LHPP: variants seen among roughly 807,000 people sequenced by gnomAD.
LHPP encodes hLHPP.
Under a neutral mutation model 30.3 loss-of-function variants are expected in LHPP, and 24 were observed. The ratio of observed to expected loss-of-function variants is 0.79; its 90% CI spans 0.57 to 1.11. LHPP has a LOEUF of 1.11. Among genes scored for constraint, LHPP ranks in the 50% most tolerant of loss-of-function variants. The pLI is 0.00. For missense variants in LHPP, 356 were observed against 367.2 expected, an observed-to-expected ratio of 0.97 and a Z score of 0.25; for synonymous variants, 150 against 157.1, an observed-to-expected ratio of 0.95 and a Z score of 0.34.
chr10:124,470,952 G>A (rs1453854849), intron 1 of LHPP, among the ~76,000 whole-genome samples: 1 of 152,094 alleles, frequency 6.6e-6, no homozygotes, highest in Non-Finnish European at 1.5e-5. Context: ...ATGGGAGCCG[G>A]TGCTCTTTCA....
intron 6 of LHPP, among the ~76,000 whole-genome samples, chr10:124,543,035 C>T (rs905994710): frequency 1.3e-5 from 2 of 152,184 alleles, no homozygotes; most frequent in African/African-American, 2.4e-5. Context: ...GCTGCTGTGC[C>T]ACACCTCACT....
chr10:124,479,978 G>A (rs1953076395), intron 1 of LHPP, among the ~76,000 whole-genome samples: 1 of 152,218 alleles, frequency 6.6e-6, no homozygotes, highest in Non-Finnish European at 1.5e-5. Flanking sequence ...GGGCCTTGGG[G>A]ATGTCCATTA....
chr10:124,514,068 G>A (rs928234672), intron 5 of LHPP, among the ~76,000 whole-genome samples: 2 of 152,198 alleles, frequency 1.3e-5, no homozygotes, highest in Non-Finnish European at 2.9e-5. Context: ...TCCTGAAGGA[G>A]CTCCTACTTC....
chr10:124,564,742 C>T (rs575001499), intron 6 of LHPP, among the ~76,000 whole-genome samples: 32 of 152,214 alleles, frequency 2.1e-4, no homozygotes, highest in African/African-American at 6.3e-4. Context: ...TGCACTGTGC[C>T]GTGGAATTAT....
intron 6 of LHPP, among the ~76,000 whole-genome samples, chr10:124,591,902 G>A (rs900573478): frequency 6.6e-5 from 10 of 152,034 alleles, no homozygotes; most frequent in Non-Finnish European, 1.3e-4. Context: ...AGGGCTCTGA[G>A]GAGCAAATTA....
chr10:124,602,027 G>C (rs1949029640), intron 6 of LHPP, among the ~76,000 whole-genome samples: 1 of 152,344 alleles, frequency 6.6e-6, no homozygotes, highest in Admixed American at 6.5e-5. Flanking sequence ...TAGTGCCCCA[G>C]CTCCATCCGG....
intron 6 of LHPP, among the ~76,000 whole-genome samples, chr10:124,537,458 C>T (rs569444937): frequency 2.7e-4 from 41 of 152,318 alleles, no homozygotes; most frequent in African/African-American, 9.1e-4. Context: ...ATTGGCGATG[C>T]GGGGAGGCTG....
chr10:124,517,322 C>G lies in LHPP; in HGVS notation c.716+51C>G. ...TCACCTTCCTTCCAGGGGATGACCA[C>G]ATTCTCATTCTGTTTTGTTCTTCAA... On this transcript the variant is annotated intron_variant, in intron 6 of 6. Coordinates refer to ENST00000368842, the MANE Select transcript of LHPP (RefSeq NM_022126.4). The surrounding 1 kb of genome is among the most constrained non-coding windows in gnomAD (Gnocchi z 4.1). The G allele has an allele frequency of 8.6e-7, 1 of 1,163,452 alleles. No individual in the cohort carries two copies. The highest frequency in any genetic ancestry group is 1.2e-6 in the Non-Finnish European group (1 of 824,126). The allele number at this position is 1,163,452 out of a possible 1,614,324, so 72.1% of individuals were successfully genotyped here. A position where few individuals can be genotyped will look rare whatever the true frequency, so the allele number is the denominator to read the frequency against.
intron 6 of LHPP, among the ~76,000 whole-genome samples, chr10:124,519,984 C>T (rs887765278): frequency 7.2e-5 from 11 of 152,100 alleles, no homozygotes; most frequent in African/African-American, 2.4e-5. Context: ...AGGCGCCCAC[C>T]ACCACGCCCG....
chr10:124,534,362 A>G (rs1954969657), intron 6 of LHPP, among the ~76,000 whole-genome samples: 1 of 152,194 alleles, frequency 6.6e-6, no homozygotes, highest in Non-Finnish European at 1.5e-5. Flanking sequence ...AGTCTCCTGT[A>G]TCTGTGACTC....
At chr10:124,509,545 C>T (rs1954247948) in intron 5 of LHPP, among the ~76,000 whole-genome samples, 2 of 152,218 alleles carry the variant, frequency 1.3e-5, no homozygotes, top group Admixed American at 1.3e-4. Context: ...ACATCCTTAC[C>T]AACACCATGA....
At chr10:124,512,886 A>T (rs1368688609) in intron 5 of LHPP, among the ~76,000 whole-genome samples, 1 of 152,114 alleles carries the variant, frequency 6.6e-6, no homozygotes. Flanking sequence ...CCCTTCCCCC[A>T]GATGGAGAGC....
chr10:124,483,755 C>T (rs896384394), intron 1 of LHPP, among the ~76,000 whole-genome samples: 5 of 150,008 alleles, frequency 3.3e-5, no homozygotes, highest in African/African-American at 1.2e-4. Flanking sequence ...GAGACTCCAT[C>T]TCAAAAATAA....
chr10:124,527,201 G>A (rs1214402936), intron 6 of LHPP, among the ~76,000 whole-genome samples: 1 of 152,198 alleles, frequency 6.6e-6, no homozygotes, highest in African/African-American at 2.4e-5. Context: ...GGCAGGGGAG[G>A]GCACATCCCC....
At chr10:124,525,112 A>G (rs1308849742) in intron 6 of LHPP, among the ~76,000 whole-genome samples, 2 of 152,030 alleles carry the variant, frequency 1.3e-5, no homozygotes, top group African/African-American at 4.8e-5. Context: ...TCCCTCCAAC[A>G]TGGCGCTGGC....
chr10:124,574,965 G>T (rs1454082515), intron 6 of LHPP, among the ~76,000 whole-genome samples: 1 of 152,112 alleles, frequency 6.6e-6, no homozygotes, highest in African/African-American at 2.4e-5. Context: ...CTCCTGCCGG[G>T]CCCTCCCCTG....
At chr10:124,472,072 G>T (rs1952795639) in intron 1 of LHPP, among the ~76,000 whole-genome samples, 1 of 152,142 alleles carries the variant, frequency 6.6e-6, no homozygotes, top group Non-Finnish European at 1.5e-5. Flanking sequence ...TGCACTTTGG[G>T]AGGCCAAAGC....
chr10:124,504,621 CAAGAAGGAAGGAAGGA>C (rs1173745039), intron 5 of LHPP, among the ~76,000 whole-genome samples: 32 of 146,044 alleles, frequency 2.2e-4, no homozygotes, highest in African/African-American at 5.1e-4. Flanking sequence ...AATAGGAAAG[CAAGAAGGAAGGAAGGA>C]AAGAAGGAAG....
Position 124,496,905 on chromosome 10 carries a change from T to TCCTGCGGTCAGCTC in LHPP, c.468-53_468-40dup. On this transcript the variant is annotated intron_variant, in intron 3 of 6. Coordinates refer to ENST00000368842, the MANE Select transcript of LHPP (RefSeq NM_022126.4). The surrounding 1 kb of genome is among the most constrained non-coding windows in gnomAD (Gnocchi z 4.3). ...GGTGCTCAGCTCCCGATACTTAGCA[T>TCCTGCGGTCAGCTC]CCTGCGGTCAGCTCCCCGTGCTCAG... is the stretch of plus-strand genomic sequence containing the variant. 1 of 1,508,962 alleles carries TCCTGCGGTCAGCTC rather than the reference T, an allele frequency of 6.6e-7. No individual in the cohort carries two copies. Among genetic ancestry groups the TCCTGCGGTCAGCTC allele is most frequent in the Non-Finnish European group, 9.2e-7 (1 of 1,092,690 alleles). 93.5% of individuals were successfully genotyped at this position (1,508,962 alleles called of 1,614,324 possible). A position where few individuals can be genotyped will look rare whatever the true frequency, so the allele number is the denominator to read the frequency against.
Sources: gnomAD v4.1 joint callset for allele counts (sites outside exome capture counted in the v4.1 genomes callset) on GRCh38, gnomAD v4.1.1 for gene constraint, Gnocchi (gnomAD v3.1) non-coding constraint, MANE v1.5 for transcripts, NCBI Gene and HGNC (gene_info 2026-07-23, HGNC 2026-07-21) for gene names.